RELL1: variants seen among roughly 807,000 people sequenced by gnomAD.
The protein encoded by RELL1 is RELT-like protein 1.
Under a neutral mutation model 23.0 loss-of-function variants are expected in RELL1, and 10 were observed. That is an observed-to-expected ratio of 0.43 (90% CI 0.27 to 0.74). The LOEUF is 0.74. Among genes scored for constraint, RELL1 ranks in the 30% least tolerant of loss-of-function variants. The probability of loss-of-function intolerance (pLI) is 0.19; values close to 1 mark genes in which losing one functional copy is unlikely to be tolerated. For missense variants in RELL1, 315 were observed against 364.4 expected, an observed-to-expected ratio of 0.86 and a Z score of 1.10; for synonymous variants, 146 against 146.8, an observed-to-expected ratio of 0.99 and a Z score of 0.04.
At chr4:37,642,229 C>T (rs1450035410) in intron 3 of RELL1, among the ~76,000 whole-genome samples, 2 of 152,208 alleles carry the variant, frequency 1.3e-5, no homozygotes, top group African/African-American at 4.8e-5. Context: ...AAGGCAAAAA[C>T]TTCACAAAGG....
chr4:37,686,143 CCGCGCTCCCGGGACCGGGCT>C, intron 1 of RELL1, 37 bp downstream of exon 1: 1 of 1,457,406 alleles, frequency 6.9e-7, no homozygotes, highest in East Asian at 2.6e-5. Context: ...TCGCTTCCTT[CCGCGCTCCCGGGACCGGGCT>C]CAGCACCCGG....
chr4:37,673,384 G>T (rs1399807985), intron 1 of RELL1, among the ~76,000 whole-genome samples: 1 of 151,442 alleles, frequency 6.6e-6, no homozygotes, highest in African/African-American at 2.4e-5. Context: ...TAGAGACGGG[G>T]TCTTGCTATG....
At chr4:37,644,215 T>C (rs1720618860) in intron 3 of RELL1, among the ~76,000 whole-genome samples, 5 of 151,808 alleles carry the variant, frequency 3.3e-5, no homozygotes, top group Admixed American at 2.6e-4. Context: ...ACAGCCCTAT[T>C]CGCCCATGAG....
downstream of RELL1, chr4:37,590,548 G>A (rs764568622): frequency 6.2e-7 from 1 of 1,614,192 alleles, no homozygotes; most frequent in Non-Finnish European, 8.5e-7. Context: ...AGACTCCAGA[G>A]CTCCTTCTGA....
intron 1 of RELL1, 138 bp downstream of exon 1, chr4:37,686,062 C>A (rs1460035658): frequency 4.1e-6 from 3 of 723,634 alleles, no homozygotes; most frequent in Non-Finnish European, 6.6e-6. Context: ...GCGGGACAGC[C>A]AGTTGTTCAG....
At chr4:37,652,284 C>G (rs79318620) in intron 1 of RELL1, among the ~76,000 whole-genome samples, 1 of 152,192 alleles carries the variant, frequency 6.6e-6, no homozygotes, top group South Asian at 2.1e-4. Context: ...GCATTCATTA[C>G]TTTATCAGAC....
intron 1 of RELL1, among the ~76,000 whole-genome samples, chr4:37,662,940 C>T (rs1190107870): frequency 6.6e-6 from 1 of 152,180 alleles, no homozygotes; most frequent in African/African-American, 2.4e-5. Context: ...CTGACCTGGC[C>T]TCACCCCAGA....
At chr4:37,657,610 G>A (rs1285906943) in intron 1 of RELL1, among the ~76,000 whole-genome samples, 1 of 152,170 alleles carries the variant, frequency 6.6e-6, no homozygotes, top group Admixed American at 6.5e-5. Flanking sequence ...GTGGAAGAAA[G>A]TTGCGGGAAC....
intron 6 of RELL1, among the ~76,000 whole-genome samples, chr4:37,599,500 T>C (rs1269072674): frequency 6.6e-6 from 1 of 152,158 alleles, no homozygotes; most frequent in Non-Finnish European, 1.5e-5. Context: ...CACTGGAATT[T>C]GGGGGAAAAC....
chr4:37,650,903 A>T (rs1473239235), intron 1 of RELL1, among the ~76,000 whole-genome samples: 1 of 151,888 alleles, frequency 6.6e-6, no homozygotes, highest in African/African-American at 2.4e-5. Flanking sequence ...CACTAAAAAT[A>T]CAAAAATTAG....
intron 6 of RELL1, among the ~76,000 whole-genome samples, chr4:37,613,948 C>T (rs114971125): frequency 6.6e-6 from 1 of 152,192 alleles, no homozygotes; most frequent in Non-Finnish European, 1.5e-5. Context: ...GTTTTACAGA[C>T]TGGCATAACC....
chr4:37,601,613 G>A (rs772054950), intron 6 of RELL1, among the ~76,000 whole-genome samples: 1 of 152,188 alleles, frequency 6.6e-6, no homozygotes, highest in Non-Finnish European at 1.5e-5. Flanking sequence ...AAAGGAAAAG[G>A]GTTTGCAAAA....
At chr4:37,586,922 A>G (rs1718367803), downstream of RELL1, among the ~76,000 whole-genome samples, 1 of 152,138 alleles carries the variant, frequency 6.6e-6, no homozygotes. Flanking sequence ...AAAAACAAAC[A>G]AAACAAAACA....
chr4:37,682,117 T>C (rs1269311790), intron 1 of RELL1, among the ~76,000 whole-genome samples: 3 of 152,200 alleles, frequency 2.0e-5, no homozygotes, highest in Non-Finnish European at 2.9e-5. Flanking sequence ...ATTATGTATA[T>C]AACTGACAGG....
chr4:37,669,827 C>A (rs371910333), intron 1 of RELL1, among the ~76,000 whole-genome samples: 1 of 151,566 alleles, frequency 6.6e-6, no homozygotes, highest in African/African-American at 2.4e-5. Context: ...GTTAAACAGA[C>A]GCTTGAAGGC....
chr4:37,685,925 C>T (rs7671626), intron 1 of RELL1, among the ~76,000 whole-genome samples: 22,711 of 152,242 alleles, frequency 0.15, 1,999 homozygotes, highest in African/African-American at 0.25. Flanking sequence ...TCCCTACGCC[C>T]CGCACTGCCC....
Position 37,595,946 on chromosome 4 carries a change from G to A in RELL1, c.*4-4729C>T, listed in dbSNP as rs1474746524. On this transcript the variant is annotated intron_variant, in intron 6 of 6. Transcript: ENST00000314117. ...AGAAGGAAAAAAAGGGTGTATATTC[G>A]TGTAATGACATCCAGATCTCACCGT... 7.9e-5 allele frequency among the ~76,000 whole-genome samples: 12 copies of A among 152,298 alleles called. No homozygotes were observed. In the South Asian group the frequency reaches 8.3e-4, roughly 11 times the overall value.
chr4:37,606,487 T>C (rs1719225402), downstream of RELL1, among the ~76,000 whole-genome samples: 1 of 152,190 alleles, frequency 6.6e-6, no homozygotes, highest in African/African-American at 2.4e-5. The surrounding 1 kb of genome is among the most constrained non-coding windows in gnomAD (Gnocchi z 4.1). Context: ...GCAAATGTAA[T>C]CAAGTTAAGA....
chr4:37,626,392 C>T (rs1230398284), intron 6 of RELL1, among the ~76,000 whole-genome samples: 4 of 152,090 alleles, frequency 2.6e-5, no homozygotes, highest in African/African-American at 7.2e-5. Context: ...GCAGGAGAAT[C>T]GTCTGAACCC....
Sources: gnomAD v4.1 joint callset for allele counts (sites outside exome capture counted in the v4.1 genomes callset) on GRCh38, gnomAD v4.1.1 for gene constraint, Gnocchi (gnomAD v3.1) non-coding constraint, MANE v1.5 for transcripts, NCBI Gene and HGNC (gene_info 2026-07-23, HGNC 2026-07-21) for gene names.